REV3L: variants seen among roughly 807,000 people sequenced by gnomAD.
REV3L encodes the protein DNA polymerase zeta catalytic subunit.
A neutral mutation model predicts 299.4 loss-of-function variants in REV3L; 69 were observed. The ratio of observed to expected loss-of-function variants is 0.23; its 90% confidence interval spans 0.19 to 0.28. REV3L has a LOEUF of 0.28. Among genes scored for constraint, REV3L ranks in the 10% least tolerant of loss-of-function variants. REV3L has a pLI of 1.00. For missense variants in REV3L, 3,128 were observed against 3,693.8 expected (o/e 0.85, Z 3.97); for synonymous variants, 1,238 against 1,271.4 (o/e 0.97, Z 0.56).
chr6:111,417,455 G>A (rs1478011729), intron 1 of REV3L, among the ~76,000 whole-genome samples: 2 of 152,118 alleles, frequency 1.3e-5, no homozygotes, highest in African/African-American at 4.8e-5. Flanking sequence ...CAGCAGTGAT[G>A]GAAGAACACA....
rs1779957215 is a variant in REV3L at position 111,373,012 on chromosome 6, T to C, written c.5343A>G (p.Ser1781=). The C allele has an allele frequency of 1.2e-6, 2 of 1,614,082 alleles. No homozygotes were observed. The highest frequency in any genetic ancestry group is 1.1e-5 in the South Asian group (1 of 91,090). The change falls in exon 13 of 32, where the codon TCA becomes TCG. Residue 1781 remains serine, a synonymous_variant. Transcript: ENST00000368802. ...LSEKSRLNRS[S]VSKEVFLSLP... is the part of the protein sequence containing the mutation. ...GGCTAAGAAACACTTCTTTGCTTAC[T>C]GAACTCCTATTCAATCTAGATTTTT...
chr6:111,335,236 T>G (rs1775789199), intron 22 of REV3L, among the ~76,000 whole-genome samples: 1 of 152,186 alleles, frequency 6.6e-6, no homozygotes, highest in South Asian at 2.1e-4. Context: ...GTAACAATAT[T>G]CAGGAATATT....
chr6:111,300,360 T>C (rs1771350388), intron 31 of REV3L, among the ~76,000 whole-genome samples: 2 of 152,190 alleles, frequency 1.3e-5, no homozygotes, highest in South Asian at 2.1e-4. Context: ...TTTGTAAAGA[T>C]AGAGTACAAA....
At position 111,311,245 on chromosome 6, in the gene REV3L, A is replaced by G; in HGVS notation, c.8619T>C (p.Ser2873=). The change falls in exon 29 of 32, where the codon TCT becomes TCC. Residue 2873 remains serine, a synonymous_variant. Coordinates refer to ENST00000368802, the MANE Select transcript of REV3L (RefSeq NM_001372078.1). ...CTCTCGTTTCAAATAGCAGCTTTAG[A>G]GAACGCTCAAGTATCTTAAAACAAA... ...CPAVSKILER[S]LKLLFETRDI... 6.2e-7 allele frequency: 1 copy of G among 1,606,662 alleles called. No homozygotes were observed. Among genetic ancestry groups the G allele is most frequent in the Non-Finnish European group, 8.5e-7 (1 of 1,176,684 alleles).
chr6:111,306,108 T>A (rs1195872606), intron 31 of REV3L, among the ~76,000 whole-genome samples: 1 of 152,218 alleles, frequency 6.6e-6, no homozygotes, highest in East Asian at 1.9e-4. Context: ...CTGTCCTCAC[T>A]GGTTCATTTG....
chr6:111,367,011 A>G, intron 14 of REV3L, 104 bp downstream of exon 14: 1 of 959,990 alleles, frequency 1.0e-6, no homozygotes, highest in South Asian at 2.1e-5. Flanking sequence ...TTGCTGAGCT[A>G]TACCTTCATT....
intron 1 of REV3L, among the ~76,000 whole-genome samples, chr6:111,478,266 T>C (rs1793181134): frequency 6.6e-6 from 1 of 152,222 alleles, no homozygotes; most frequent in Non-Finnish European, 1.5e-5. Flanking sequence ...AGTCCAGTCA[T>C]ACTGCATTTG....
chr6:111,464,038 TA>T (rs1385066525), intron 1 of REV3L, among the ~76,000 whole-genome samples: 2 of 152,060 alleles, frequency 1.3e-5, no homozygotes, highest in African/African-American at 4.8e-5. Flanking sequence ...ATTAAATCAC[TA>T]AAAGTCCTAA....
At chr6:111,458,469 G>T (rs558362274) in intron 1 of REV3L, among the ~76,000 whole-genome samples, 1 of 152,140 alleles carries the variant, frequency 6.6e-6, no homozygotes, top group African/African-American at 2.4e-5. Context: ...AAGGTATCCA[G>T]ATAGGAAAAG....
chr6:111,480,454 T>C (rs906383863), intron 1 of REV3L, among the ~76,000 whole-genome samples: 1 of 152,192 alleles, frequency 6.6e-6, no homozygotes, highest in African/African-American at 2.4e-5. Flanking sequence ...TTGGACTAGT[T>C]TTCCTTGGGG....
At chr6:111,453,641 T>C (rs1162275218) in intron 1 of REV3L, among the ~76,000 whole-genome samples, 1 of 152,230 alleles carries the variant, frequency 6.6e-6, no homozygotes, top group Admixed American at 6.5e-5. Context: ...TTTTAGTTAA[T>C]ATTTATATTA....
chr6:111,416,712 A>C (rs1784800852), intron 1 of REV3L, among the ~76,000 whole-genome samples: 2 of 152,228 alleles, frequency 1.3e-5, no homozygotes, highest in African/African-American at 4.8e-5. Context: ...GTTTTGATGA[A>C]AGTATTTTCA....
At chr6:111,449,100 A>C (rs951156065) in intron 1 of REV3L, among the ~76,000 whole-genome samples, 1 of 152,182 alleles carries the variant, frequency 6.6e-6, no homozygotes, top group African/African-American at 2.4e-5. Flanking sequence ...CAGGGTTTTG[A>C]GTCAAGGTGA....
chr6:111,380,679 A>G (rs1780744002), intron 10 of REV3L, among the ~76,000 whole-genome samples: 1 of 152,254 alleles, frequency 6.6e-6, no homozygotes, highest in Non-Finnish European at 1.5e-5. Flanking sequence ...TAGCTCTCCT[A>G]TCAAAGTTGA....
chr6:111,483,232 G>A (rs886714949), upstream of REV3L: 2 of 481,956 alleles, frequency 4.1e-6, no homozygotes, highest in East Asian at 7.1e-5. Flanking sequence ...CGCAACCACT[G>A]GGGGGAGGGG....
At chr6:111,346,391 A>G (rs1777027257) in intron 20 of REV3L, among the ~76,000 whole-genome samples, 1 of 152,242 alleles carries the variant, frequency 6.6e-6, no homozygotes, top group African/African-American at 2.4e-5. Flanking sequence ...CTACGAATTC[A>G]AAGTCCATAA....
At chr6:111,316,621 G>A (rs1773552685) in intron 26 of REV3L, among the ~76,000 whole-genome samples, 1 of 150,890 alleles carries the variant, frequency 6.6e-6, no homozygotes, top group South Asian at 2.1e-4. Context: ...AGCTGAGATT[G>A]CGCCATTGCA....
At chr6:111,397,261 C>T (rs1782611345) in intron 4 of REV3L, among the ~76,000 whole-genome samples, 1 of 151,996 alleles carries the variant, frequency 6.6e-6, no homozygotes, top group African/African-American at 2.4e-5. Flanking sequence ...AAACTTACCT[C>T]TTAGTACTGT....
chr6:111,422,629 TACAC>T (rs1330066027), intron 1 of REV3L, among the ~76,000 whole-genome samples: 342 of 25,388 alleles, frequency 0.013, 41 homozygotes, highest in Non-Finnish European at 0.04. Flanking sequence ...TATATATATA[TACAC>T]ATATATATAT....
Sources: gnomAD v4.1 joint callset for allele counts (sites outside exome capture counted in the v4.1 genomes callset) on GRCh38, gnomAD v4.1.1 for gene constraint, MANE v1.5 for transcripts, NCBI Gene and HGNC (gene_info 2026-07-23, HGNC 2026-07-21) for gene names.